Variants in SLC39A11 observed in about 807,000 individuals in gnomAD.
SLC39A11 encodes solute carrier family 39 member 11.
In SLC39A11, 33 loss-of-function variants were observed where a neutral mutation model predicts 36.1. The ratio of observed to expected loss-of-function variants is 0.91; its 90% CI spans 0.69 to 1.22. The LOEUF (loss-of-function observed/expected upper bound fraction) is 1.22, where lower values mean the gene tolerates loss of function less well. Ranked by LOEUF, SLC39A11 falls within the 50% of genes most tolerant of loss-of-function variation. The pLI, the probability that SLC39A11 is intolerant of heterozygous loss-of-function variation, is 0.00. For synonymous variants in SLC39A11, 166 were observed against 170.3 expected, an observed-to-expected ratio of 0.97 and a Z score of 0.20; for missense variants, 432 against 430.3, an observed-to-expected ratio of 1.00 and a Z score of -0.03.
chr17:73,012,603 G>A (rs889239731), intron 4 of SLC39A11, among the ~76,000 whole-genome samples: 3 of 151,106 alleles, frequency 2.0e-5, no homozygotes, highest in African/African-American at 4.9e-5. Context: ...AAGGTATATT[G>A]TGTGATGCTA....
At chr17:73,021,811 GAGA>G (rs1343151609) in intron 4 of SLC39A11, among the ~76,000 whole-genome samples, 32 of 152,218 alleles carry the variant, frequency 2.1e-4, no homozygotes, top group Non-Finnish European at 4.0e-4. Context: ...TCTACCCACG[GAGA>G]AGGAAATCTA....
intron 6 of SLC39A11, among the ~76,000 whole-genome samples, chr17:72,750,080 G>C (rs1052602317): frequency 1.3e-5 from 2 of 152,178 alleles, no homozygotes; most frequent in African/African-American, 4.8e-5. Flanking sequence ...AGCCAGATGG[G>C]TCGAGGAATC....
At chr17:72,986,645 G>A (rs1458465212) in intron 4 of SLC39A11, among the ~76,000 whole-genome samples, 1 of 152,204 alleles carries the variant, frequency 6.6e-6, no homozygotes, top group Non-Finnish European at 1.5e-5. Context: ...ACCCAGACCT[G>A]CCAAATCATC....
chr17:72,795,219 C>T (rs1426289884), intron 6 of SLC39A11, among the ~76,000 whole-genome samples: 1 of 151,994 alleles, frequency 6.6e-6, no homozygotes, highest in Non-Finnish European at 1.5e-5. Context: ...GGCCCTGGCT[C>T]GGGGTCTGTC....
At chr17:73,031,275 T>A (rs2058731079) in intron 4 of SLC39A11, among the ~76,000 whole-genome samples, 1 of 120,124 alleles carries the variant, frequency 8.3e-6, no homozygotes, top group Non-Finnish European at 1.6e-5. Flanking sequence ...CTCTCATATA[T>A]ATACAGTGCC....
chr17:72,684,005 C>T (rs893410902), intron 7 of SLC39A11, among the ~76,000 whole-genome samples: 4 of 152,148 alleles, frequency 2.6e-5, no homozygotes, highest in Non-Finnish European at 5.9e-5. Context: ...AGGGGAAGGG[C>T]TATTCAAGTG....
At chr17:73,072,378 C>T (rs1375997941) in intron 3 of SLC39A11, 1 of 152,170 alleles carries the variant, frequency 6.6e-6, no homozygotes, top group Non-Finnish European at 1.5e-5. Flanking sequence ...GTTTGCAGGG[C>T]TCTGGGCAGG....
At chr17:72,938,390 G>T (rs913302419) in intron 5 of SLC39A11, among the ~76,000 whole-genome samples, 3 of 152,156 alleles carry the variant, frequency 2.0e-5, no homozygotes, top group Non-Finnish European at 4.4e-5. Flanking sequence ...CTTCTCGAAG[G>T]CTGACTATTC....
rs1163344962 is a variant in SLC39A11, at chr17:72,648,953, T to G, written c.779A>C (p.Gln260Pro). 2 of 1,612,148 alleles carry G rather than the reference T, an allele frequency of 1.2e-6. No individual in the cohort carries two copies. Among genetic ancestry groups the G allele is most frequent in the Non-Finnish European group, 8.5e-7 (1 of 1,179,122 alleles). The change falls in exon 9 of 10, where the codon CAG becomes CCG. Residue 260 changes from glutamine (Q) to proline (P), a missense_variant. Physicochemically the swap from Gln to Pro is moderately conservative, Grantham distance 76 (BLOSUM62 -1). Transcript: ENST00000255559. Reference sequence around the variant, plus strand: ...CAGGGGCTCCACCATGCCGCTCAGCTGCCCATACCTAAGGAGAGAACAGAG... The same window carrying G: ...CAGGGGCTCCACCATGCCGCTCAGCGGCCCATACCTAAGGAGAGAACAGAG... ...FSTWRAFWYG[Q>P]LSGMVEPLAG...
At chr17:72,688,353 T>C (rs2071852654) in intron 7 of SLC39A11, among the ~76,000 whole-genome samples, 1 of 152,220 alleles carries the variant, frequency 6.6e-6, no homozygotes, top group Non-Finnish European at 1.5e-5. Flanking sequence ...GAGATGTGAA[T>C]ATTTTCCAGG....
chr17:72,711,537 T>G lies in SLC39A11; in HGVS notation c.671+25113A>C, dbSNP rs1209517085. ...ACTCTAGGTGAGAGAGAAATCAACT[T>G]CTTATTTATACCATTATAAATTTGG... is the stretch of plus-strand genomic sequence containing the variant. On this transcript the variant is annotated intron_variant, in intron 7 of 9. Transcript: ENST00000255559. 2.0e-5 allele frequency among the ~76,000 whole-genome samples: 3 copies of G among 152,314 alleles called. No homozygotes were observed. The East Asian group carries it at 5.8e-4, about 29-fold the overall frequency.
intron 6 of SLC39A11, among the ~76,000 whole-genome samples, chr17:72,769,520 G>A (rs2075863186): frequency 2.0e-5 from 3 of 151,884 alleles, no homozygotes; most frequent in East Asian, 1.9e-4. Flanking sequence ...TGACCCCTCT[G>A]CTCACTGAGA....
intron 7 of SLC39A11, among the ~76,000 whole-genome samples, chr17:72,704,316 T>C (rs907654127): frequency 1.3e-5 from 2 of 152,204 alleles, no homozygotes; most frequent in South Asian, 2.1e-4. Context: ...CAAGACTATG[T>C]AGCTAGTAAA....
At chr17:72,903,271 G>GA (rs11450652) in intron 5 of SLC39A11, among the ~76,000 whole-genome samples, 73,301 of 113,544 alleles carry the variant, frequency 0.65, 22,334 homozygotes, top group African/African-American at 0.8. Flanking sequence ...GTCTCGAAAA[G>GA]AAAAAAAAAA....
intron 4 of SLC39A11, among the ~76,000 whole-genome samples, chr17:72,959,745 T>A (rs2086493101): frequency 6.6e-6 from 1 of 152,120 alleles, no homozygotes; most frequent in African/African-American, 2.4e-5. Context: ...ATACTAATAT[T>A]GAGAACCTAA....
intron 6 of SLC39A11, among the ~76,000 whole-genome samples, chr17:72,745,830 G>T (rs1332520683): frequency 2.6e-5 from 4 of 152,118 alleles, no homozygotes; most frequent in Non-Finnish European, 5.9e-5. Context: ...ATTTAAAAAA[G>T]TATTTAAATT....
intron 7 of SLC39A11, among the ~76,000 whole-genome samples, chr17:72,707,326 C>G (rs951065057): frequency 1.8e-4 from 28 of 152,198 alleles, no homozygotes; most frequent in Non-Finnish European, 2.5e-4. Context: ...ATCATATGAG[C>G]CCAGGAGTTG....
intron 6 of SLC39A11, among the ~76,000 whole-genome samples, chr17:72,781,808 A>G (rs532184926): frequency 5.3e-5 from 8 of 152,110 alleles, no homozygotes; most frequent in African/African-American, 1.9e-4. Flanking sequence ...AGCAGATGCA[A>G]GACGCTTTAA....
At chr17:72,799,441 G>A (rs9913221) in intron 6 of SLC39A11, among the ~76,000 whole-genome samples, 14,122 of 151,990 alleles carry the variant, frequency 0.093, 862 homozygotes, top group South Asian at 0.14. Context: ...CTGTGGGGTC[G>A]GGCAAAAAAA....
Sources: gnomAD v4.1 joint callset for allele counts (sites outside exome capture counted in the v4.1 genomes callset) on GRCh38, gnomAD v4.1.1 for gene constraint, MANE v1.5 for transcripts, NCBI Gene and HGNC (gene_info 2026-07-23, HGNC 2026-07-21) for gene names.